LRRC37A2: variants seen among roughly 807,000 people sequenced by gnomAD.
LRRC37A2 encodes leucine-rich repeat-containing protein 37A2.
LRRC37A2 carries 9 observed loss-of-function variants against 68.8 expected under a neutral mutation model. That is an observed-to-expected ratio of 0.13 (90% confidence interval 0.08 to 0.23). The LOEUF (loss-of-function observed/expected upper bound fraction) is 0.23. Among genes scored for constraint, LRRC37A2 ranks in the 10% least tolerant of loss-of-function variants. LRRC37A2 has a pLI of 1.00. For synonymous variants in LRRC37A2, 63 were observed against 367.6 expected (o/e 0.17, Z 9.48); for missense variants, 168 against 950.4 (o/e 0.18, Z 10.82).
chr17:46,704,707 A>C, the LRRC37A2 span: 2 of 1,583,122 alleles, frequency 1.3e-6, no homozygotes, highest in Admixed American at 3.8e-5. Flanking sequence ...ATATATTCTT[A>C]ACTATTCTTA....
the LRRC37A2 span, among the ~76,000 whole-genome samples, chr17:46,892,946 T>C: frequency 1.3e-5 from 2 of 151,990 alleles, no homozygotes; most frequent in Admixed American, 1.3e-4. Flanking sequence ...TTCTTTTCTT[T>C]TTTTTTTTGA....
the LRRC37A2 span, among the ~76,000 whole-genome samples, chr17:46,860,532 A>G: frequency 6.6e-6 from 1 of 152,228 alleles, no homozygotes; most frequent in South Asian, 2.1e-4. Context: ...TTCTGACCCC[A>G]GTTTTCTCAT....
At chr17:46,848,094 C>T in the LRRC37A2 span, among the ~76,000 whole-genome samples, 29,736 of 151,736 alleles carry the variant, frequency 0.2, 3,555 homozygotes, top group East Asian at 0.5. Context: ...TGTGGATATC[C>T]AAGAATGCTT....
the LRRC37A2 span, among the ~76,000 whole-genome samples, chr17:46,892,480 C>T: frequency 6.6e-6 from 1 of 152,236 alleles, no homozygotes; most frequent in African/African-American, 2.4e-5. Flanking sequence ...CACTCCTGCT[C>T]AGCCTTAAAG....
the LRRC37A2 span, among the ~76,000 whole-genome samples, chr17:46,802,178 C>T: frequency 7.9e-5 from 12 of 152,296 alleles, no homozygotes; most frequent in African/African-American, 2.2e-4. Flanking sequence ...AATGAGCTGA[C>T]GGAAGAGCTG....
At chr17:46,852,420 GT>G in the LRRC37A2 span, among the ~76,000 whole-genome samples, 1 of 150,880 alleles carries the variant, frequency 6.6e-6, no homozygotes, top group Non-Finnish European at 1.5e-5. Context: ...GTGTGTGTGT[GT>G]GTGTGTGTGT....
the LRRC37A2 span, among the ~76,000 whole-genome samples, chr17:46,863,926 C>T: frequency 3.3e-5 from 5 of 152,288 alleles, no homozygotes; most frequent in East Asian, 9.6e-4. Context: ...TTCCTGCTGT[C>T]CCTACAGCTG....
chr17:47,036,957 C>G, the LRRC37A2 span, among the ~76,000 whole-genome samples: 1 of 93,732 alleles, frequency 1.1e-5, no homozygotes, highest in African/African-American at 3.6e-5. Flanking sequence ...CTATGTTATT[C>G]CTATTCCAAT....
the LRRC37A2 span, among the ~76,000 whole-genome samples, chr17:46,837,790 G>C: frequency 7.9e-5 from 12 of 152,170 alleles, no homozygotes; most frequent in Non-Finnish European, 1.2e-4. Flanking sequence ...ATGCCTTCAG[G>C]GCTGATATGC....
the LRRC37A2 span, among the ~76,000 whole-genome samples, chr17:46,707,536 C>CT: frequency 2.0e-5 from 3 of 152,022 alleles, no homozygotes; most frequent in Non-Finnish European, 4.4e-5. Flanking sequence ...AATAATAACT[C>CT]TTTTTTCCCT....
chr17:46,605,448 C>G, the LRRC37A2 span, among the ~76,000 whole-genome samples: 1 of 118,062 alleles, frequency 8.5e-6, no homozygotes, highest in African/African-American at 3.2e-5. Context: ...AACTCCATCT[C>G]AAAAAAAAAA....
the LRRC37A2 span, among the ~76,000 whole-genome samples, chr17:46,838,699 T>C: frequency 6.6e-6 from 1 of 152,126 alleles, no homozygotes; most frequent in Admixed American, 6.6e-5. Context: ...TCCACGTATA[T>C]GTAAAATGTC....
the LRRC37A2 span, among the ~76,000 whole-genome samples, chr17:46,999,381 G>T: frequency 6.6e-6 from 1 of 152,148 alleles, no homozygotes; most frequent in East Asian, 1.9e-4. Flanking sequence ...CTTTGAGACT[G>T]GGTGTCCCTC....
chr17:46,959,594 A>G, the LRRC37A2 span, among the ~76,000 whole-genome samples: 2 of 152,222 alleles, frequency 1.3e-5, no homozygotes, highest in East Asian at 3.8e-4. Context: ...ATGTTTAGCC[A>G]TGTGATTTTT....
At chr17:46,987,120 A>G in the LRRC37A2 span, among the ~76,000 whole-genome samples, 106,469 of 152,000 alleles carry the variant, frequency 0.7, 37,908 homozygotes, top group Middle Eastern at 0.78. Context: ...GTGCATGCCT[A>G]TAATCCCAGC....
chr17:46,940,411 C>A, the LRRC37A2 span: 1 of 1,588,208 alleles, frequency 6.3e-7, no homozygotes, highest in South Asian at 1.1e-5. Flanking sequence ...ATCTTTAGAC[C>A]TAGATCTGTC....
the LRRC37A2 span, chr17:46,936,203 A>C: frequency 1.0e-6 from 1 of 985,374 alleles, no homozygotes. Flanking sequence ...GAACTGATAC[A>C]TGTTGATTAG....
At chr17:46,730,413 A>G in the LRRC37A2 span, among the ~76,000 whole-genome samples, 1 of 152,180 alleles carries the variant, frequency 6.6e-6, no homozygotes, top group African/African-American at 2.4e-5. Context: ...GTTAAATACT[A>G]TACACATTGA....
chr17:46,752,396 T>C, the LRRC37A2 span, among the ~76,000 whole-genome samples: 1 of 152,192 alleles, frequency 6.6e-6, no homozygotes, highest in African/African-American at 2.4e-5. Context: ...GCTCTTACTA[T>C]TGAGTCCACA....
Sources: gnomAD v4.1 joint callset for allele counts (sites outside exome capture counted in the v4.1 genomes callset) on GRCh38, gnomAD v4.1.1 for gene constraint, MANE v1.5 for transcripts, NCBI Gene and HGNC (gene_info 2026-07-23, HGNC 2026-07-21) for gene names.